MEGF6: variants seen among roughly 807,000 people sequenced by gnomAD.
MEGF6 encodes multiple EGF like domains 6.
A neutral mutation model predicts 207.1 loss-of-function variants in MEGF6; 184 were observed. The observed-to-expected ratio is 0.89, with a 90% CI of 0.79 to 1.00. The LOEUF (loss-of-function observed/expected upper bound fraction) is 1.00, where lower values mean the gene tolerates loss of function less well. MEGF6 is among the 50% of genes least tolerant of loss of function. MEGF6 has a pLI of 0.00. For synonymous variants in MEGF6, 1,038 were observed against 910.0 expected (o/e 1.14, Z -2.53); for missense variants, 2,282 against 2,202.9 (o/e 1.04, Z -0.72).
chr1:3,578,535 C>CT (rs1255938931), intron 4 of MEGF6, among the ~76,000 whole-genome samples: 1 of 128,224 alleles, frequency 7.8e-6, no homozygotes, highest in Non-Finnish European at 1.6e-5. Context: ...GGCAGGGGCC[C>CT]TGGGGGGGGG....
At chr1:3,603,693 C>G (rs1644197620) in intron 1 of MEGF6, among the ~76,000 whole-genome samples, 1 of 152,070 alleles carries the variant, frequency 6.6e-6, no homozygotes, top group African/African-American at 2.4e-5. Context: ...ATCAGAGGTC[C>G]CCACCCCACC....
At chr1:3,524,068 G>A (rs1472948671) in intron 5 of MEGF6, 56 bp downstream of exon 5, 3 of 1,579,490 alleles carry the variant, frequency 1.9e-6, no homozygotes, top group African/African-American at 2.7e-5. Flanking sequence ...GCACACCCCA[G>A]AGGGTAGGGA....
At chr1:3,523,592 G>A (rs1641847128) in intron 5 of MEGF6, among the ~76,000 whole-genome samples, 1 of 152,182 alleles carries the variant, frequency 6.6e-6, no homozygotes, top group Admixed American at 6.5e-5. Flanking sequence ...CCCCAAGCTG[G>A]GCAGGGATCA....
the MEGF6 span, among the ~76,000 whole-genome samples, chr1:3,617,033 G>A: frequency 1.4e-3 from 219 of 152,186 alleles, no homozygotes; most frequent in African/African-American, 4.4e-3. Context: ...CCTGGGCTGC[G>A]GCGTGCAGGC....
At position 3,499,881 on chromosome 1, in the gene MEGF6, G is replaced by A. The variant is rs775405424; in HGVS notation, c.2751C>T (p.Cys917=). 6.4e-7 allele frequency: 1 copy of A among 1,560,976 alleles called. No individual in the cohort carries two copies. Among genetic ancestry groups the A allele is most frequent in the African/African-American group, 1.4e-5 (1 of 73,742 alleles). ...GHFGPGCEQR[C]QCQHGAACDH... ...CACAGGCTGCTCCATGCTGACACTG[G>A]CACCGCTGCTCACAGCCGGGCCCAA... is the stretch of plus-strand genomic sequence containing the variant. The change falls in exon 22 of 37, where the codon TGC becomes TGT. Residue 917 remains cysteine, a synonymous_variant. Transcript: ENST00000356575.
At chr1:3,584,334 A>G (rs1643866038) in intron 3 of MEGF6, among the ~76,000 whole-genome samples, 1 of 152,126 alleles carries the variant, frequency 6.6e-6, no homozygotes, top group African/African-American at 2.4e-5. Flanking sequence ...GCAGGTGAAG[A>G]CCTTGGGCCA....
chr1:3,524,819 G>A lies in MEGF6; in HGVS notation c.482-573C>T, dbSNP rs11589348. Among the ~76,000 whole-genome samples the A allele has an allele frequency of 7.4e-3, 1,125 of 152,262 alleles. 10 individuals are homozygous for A. The highest frequency in any genetic ancestry group is 0.025 in the African/African-American group (1,040 of 41,542). ...TTCAGGCTCGAGATGAGATTGTTCC[G>A]GATGAGGGTGAGCCCTAAATCCAAT... is the stretch of plus-strand genomic sequence containing the variant. On this transcript the variant is annotated intron_variant, in intron 4 of 36. Coordinates refer to ENST00000356575, the MANE Select transcript of MEGF6 (RefSeq NM_001409.4).
intron 1 of MEGF6, among the ~76,000 whole-genome samples, chr1:3,605,287 C>G (rs1644227443): frequency 6.6e-6 from 1 of 152,070 alleles, no homozygotes; most frequent in African/African-American, 2.4e-5. Context: ...CACAATCACA[C>G]AAACGCAATC....
In MEGF6 at chr1:3,499,220, G is replaced by A. The variant is rs919239494; in HGVS notation, c.3012C>T (p.Ala1004=). The stretch of plus-strand genomic sequence containing the variant: ...GGTCACAGGAGGCCCCGTTAAAGCA[G>A]GCACAGGCCTGGCTGCAATTGTGCC... The part of the protein sequence containing the change: ...TYGHNCSQAC[A]CFNGASCDPV... The change falls in exon 24 of 37, where the codon GCC becomes GCT. Residue 1004 remains alanine, a synonymous_variant. Coordinates refer to ENST00000356575, the MANE Select transcript of MEGF6 (RefSeq NM_001409.4). 4.4e-6 allele frequency: 7 copies of A among 1,606,052 alleles called. No homozygotes were observed. Among genetic ancestry groups the A allele is most frequent in the Non-Finnish European group, 5.1e-6 (6 of 1,177,458 alleles).
At chr1:3,600,997 T>C (rs1251852618) in intron 2 of MEGF6, among the ~76,000 whole-genome samples, 1 of 152,036 alleles carries the variant, frequency 6.6e-6, no homozygotes, top group African/African-American at 2.4e-5. Flanking sequence ...CACCCTGCAT[T>C]GGGTAATGCC....
rs1643335643 is a variant in MEGF6 at position 3,566,055 on chromosome 1, G to GTA, written c.481+13769_481+13770insTA. 4.6e-5 allele frequency among the ~76,000 whole-genome samples: 7 copies of GTA among 152,320 alleles called. No individual in the cohort carries two copies. The South Asian group carries it at 1.4e-3, about 32-fold the overall frequency. ...CAGCAGAGAAGACATTGACCCCTGA[G>GTA]GCTGACCTGGGTAGCAGACCCCTGA... On this transcript the variant is annotated intron_variant, in intron 4 of 36. Coordinates refer to ENST00000356575, the MANE Select transcript of MEGF6 (RefSeq NM_001409.4).
At chr1:3,526,925 A>C (rs1421540978) in intron 4 of MEGF6, among the ~76,000 whole-genome samples, 1 of 152,194 alleles carries the variant, frequency 6.6e-6, no homozygotes, top group Non-Finnish European at 1.5e-5. Context: ...CATTTAGCTC[A>C]AAATGCCACC....
intron 17 of MEGF6, among the ~76,000 whole-genome samples, chr1:3,503,201 T>C (rs1640971816): frequency 2.0e-5 from 3 of 152,100 alleles, no homozygotes; most frequent in Admixed American, 1.3e-4. Context: ...CACCCGCCCA[T>C]AGGGACACAG....
chr1:3,531,425 C>T, intron 4 of MEGF6: 1 of 1,126,970 alleles, frequency 8.9e-7, no homozygotes, highest in Non-Finnish European at 1.1e-6. Flanking sequence ...CCGGGCGCGC[C>T]CCGCCCCTCG....
In MEGF6 at chr1:3,573,060, T is replaced by A. The variant is rs369060539; in HGVS notation, c.481+6765A>T. Among the ~76,000 whole-genome samples the A allele has an allele frequency of 1.4e-5, 2 of 147,294 alleles. No individual in the cohort carries two copies. The highest frequency in any genetic ancestry group is 6.7e-5 in the Admixed American group (1 of 14,894). ...GAGTTCTCTTGGGTGTGCTGGGTCC[T>A]CCCTGGTGGGCTGGGTTCCCTCAGG... On this transcript the variant is annotated intron_variant, in intron 4 of 36. Transcript: ENST00000356575. The surrounding 1 kb of genome is among the most constrained non-coding windows in gnomAD (Gnocchi z 5.1).
At chr1:3,551,646 CA>C (rs1273427386) in intron 4 of MEGF6, among the ~76,000 whole-genome samples, 1 of 152,140 alleles carries the variant, frequency 6.6e-6, no homozygotes, top group Non-Finnish European at 1.5e-5. Flanking sequence ...GCCACAGCCA[CA>C]GGGGACAGGA....
At position 3,499,919 on chromosome 1, in the gene MEGF6, G is replaced by T. The variant is rs750827344; in HGVS notation, c.2713C>A (p.Pro905Thr). ...YVGPRCEQQCPQGHFGPGCEQ... is the reference protein window; with the variant it reads ...YVGPRCEQQCTQGHFGPGCEQ... ...CAGCCGGGCCCAAAGTGGCCCTGGG[G>T]ACACTCTGAGATATGCAGCCCCGGC... The change falls in exon 22 of 37, where the codon CCC (proline) becomes ACC (threonine). Residue 905 changes from proline (P) to threonine (T), a missense_variant. By Grantham distance (38) the Pro-to-Thr change is conservative. Coordinates refer to ENST00000356575, the MANE Select transcript of MEGF6 (RefSeq NM_001409.4). 1.4e-5 allele frequency: 22 copies of T among 1,561,510 alleles called. No homozygotes were observed. In the African/African-American group the frequency reaches 2.3e-4, roughly 16 times the overall value.
intron 26 of MEGF6, chr1:3,497,629 G>A (rs1353521490): frequency 2.2e-5 from 14 of 648,158 alleles, no homozygotes; most frequent in East Asian, 6.2e-5. Flanking sequence ...AGGCTGCAGG[G>A]ACGAGACAGA....
intron 1 of MEGF6, among the ~76,000 whole-genome samples, chr1:3,605,755 C>T (rs1250483653): frequency 6.6e-6 from 1 of 152,024 alleles, no homozygotes; most frequent in Non-Finnish European, 1.5e-5. Flanking sequence ...CACTCACTTA[C>T]ACACTTTGCC....
Sources: allele counts gnomAD v4.1 joint callset (sites outside exome capture counted in the v4.1 genomes callset), GRCh38; gene constraint gnomAD v4.1.1; non-coding constraint Gnocchi (gnomAD v3.1); transcripts MANE v1.5; gene names NCBI Gene and HGNC (gene_info 2026-07-23, HGNC 2026-07-21).